Variants in ZFR observed in about 807,000 individuals in gnomAD.
The protein encoded by ZFR is zinc finger RNA-binding protein.
A neutral mutation model predicts 130.7 loss-of-function variants in ZFR; 19 were observed. The ratio of observed to expected loss-of-function variants is 0.15; its 90% CI spans 0.10 to 0.21. The LOEUF (loss-of-function observed/expected upper bound fraction) is 0.21, where lower values mean the gene tolerates loss of function less well. Among genes scored for constraint, ZFR ranks in the 10% least tolerant of loss-of-function variants. The pLI is 1.00. For missense variants in ZFR, 872 were observed against 1,321.5 expected (o/e 0.66, Z 5.27); for synonymous variants, 466 against 456.9 (o/e 1.02, Z -0.25).
chr5:32,395,209 C>A lies in ZFR; in HGVS notation c.1929G>T (p.Glu643Asp), dbSNP rs1442523871. 2 of 1,610,638 alleles carry A rather than the reference C, an allele frequency of 1.2e-6. No individual in the cohort carries two copies. The highest frequency in any genetic ancestry group is 1.7e-6 in the Non-Finnish European group (2 of 1,178,274). The change falls in exon 11 of 20, where the codon GAG becomes GAT. Residue 643 changes from glutamate (E) to aspartate (D), a missense_variant. Physicochemically the swap from Glu to Asp is conservative, Grantham distance 45. Coordinates refer to ENST00000265069, the MANE Select transcript of ZFR (RefSeq NM_016107.5). ...CTTCTTCTCGTCTTCGCCAGTACTCCTCCTTCTGCATTTGCTTCCTCATTT... is the reference window on the plus strand; with the variant it reads ...CTTCTTCTCGTCTTCGCCAGTACTCATCCTTCTGCATTTGCTTCCTCATTT... ...EEKMRKQMQKEEYWRRREEEE... is the reference protein window; with the variant it reads ...EEKMRKQMQKDEYWRRREEEE...
intron 17 of ZFR, among the ~76,000 whole-genome samples, chr5:32,370,019 CAT>C (rs923820880): frequency 2.0e-5 from 3 of 151,418 alleles, no homozygotes; most frequent in African/African-American, 7.3e-5. Flanking sequence ...AATCACACAA[CAT>C]GTGACCTTTT....
Position 32,355,533 on chromosome 5 carries a change from C to T in ZFR, c.*227G>A, listed in dbSNP as rs560912627. ...TAAAATAAAAATAATGGGAAAAAATCGGAACTACTGTTTTCCCCCTAGTCG... is the reference window on the plus strand; with the variant it reads ...TAAAATAAAAATAATGGGAAAAAATTGGAACTACTGTTTTCCCCCTAGTCG... On this transcript the variant is annotated 3_prime_UTR_variant, in exon 20 of 20. Transcript: ENST00000265069. 6 of 332,818 alleles carry T rather than the reference C, an allele frequency of 1.8e-5. No individual in the cohort carries two copies. The highest frequency in any genetic ancestry group is 1.4e-4 in the Admixed American group (3 of 20,748). The allele number at this position is 332,818 out of a possible 1,614,324, so 20.6% of individuals were successfully genotyped here. A position where few individuals can be genotyped will look rare whatever the true frequency, so the allele number is the denominator to read the frequency against.
chr5:32,429,177 G>A (rs1259224323), intron 2 of ZFR, among the ~76,000 whole-genome samples: 1 of 151,840 alleles, frequency 6.6e-6, no homozygotes, highest in African/African-American at 2.4e-5. Flanking sequence ...TAGTAGAGAC[G>A]GGGTTTCACC....
At chr5:32,405,325 T>C (rs1489839427) in intron 6 of ZFR, among the ~76,000 whole-genome samples, 1 of 152,190 alleles carries the variant, frequency 6.6e-6, no homozygotes, top group Non-Finnish European at 1.5e-5. Flanking sequence ...CCCCAAAAGC[T>C]GAATCAACTT....
intron 3 of ZFR, among the ~76,000 whole-genome samples, chr5:32,418,173 T>C (rs947406127): frequency 3.3e-5 from 5 of 150,058 alleles, no homozygotes; most frequent in Non-Finnish European, 3.0e-5. Flanking sequence ...GGCAGGAGAA[T>C]GGCATGAACC....
chr5:32,442,548 T>A (rs907422544), intron 2 of ZFR, among the ~76,000 whole-genome samples: 3 of 152,254 alleles, frequency 2.0e-5, no homozygotes, highest in Non-Finnish European at 4.4e-5. Context: ...GATTTTGCTG[T>A]AATAATTTGT....
intron 2 of ZFR, among the ~76,000 whole-genome samples, chr5:32,443,439 C>A (rs1257576606): frequency 2.6e-5 from 4 of 152,262 alleles, no homozygotes; most frequent in African/African-American, 9.6e-5. Context: ...AAGACCCCCG[C>A]AAGGAGAATG....
At chr5:32,429,678 T>C (rs1415834020) in intron 2 of ZFR, among the ~76,000 whole-genome samples, 3 of 152,214 alleles carry the variant, frequency 2.0e-5, no homozygotes, top group African/African-American at 4.8e-5. Context: ...TTAACCTCTG[T>C]AACTCAAGGC....
chr5:32,420,125 T>G (rs1020774395), intron 2 of ZFR, 22 bp from the exon 3 acceptor site: 19 of 1,487,470 alleles, frequency 1.3e-5, no homozygotes, highest in Non-Finnish European at 9.0e-7. Context: ...AGTACAAGAA[T>G]AAATATAATA....
At chr5:32,384,365 A>G (rs1752992044) in intron 15 of ZFR, among the ~76,000 whole-genome samples, 1 of 152,198 alleles carries the variant, frequency 6.6e-6, no homozygotes, top group South Asian at 2.1e-4. Context: ...TAAGATATAA[A>G]TATCATCTGA....
At chr5:32,401,736 T>C (rs1318264845) in intron 8 of ZFR, among the ~76,000 whole-genome samples, 1 of 152,152 alleles carries the variant, frequency 6.6e-6, no homozygotes, top group East Asian at 1.9e-4. Context: ...ATATGTATTT[T>C]AATGAAATAA....
chr5:32,427,812 T>C (rs868222992), intron 2 of ZFR, among the ~76,000 whole-genome samples: 18 of 152,318 alleles, frequency 1.2e-4, no homozygotes, highest in African/African-American at 3.1e-4. Flanking sequence ...CCCAGATATA[T>C]AGCCTTGCAT....
Position 32,404,022 on chromosome 5 carries a change from T to G in ZFR, c.1108A>C (p.Ser370Arg). The G allele has an allele frequency of 6.2e-7, 1 of 1,614,188 alleles. No homozygotes were observed. Among genetic ancestry groups the G allele is most frequent in the Non-Finnish European group, 8.5e-7 (1 of 1,180,008 alleles). Residue 370 changes from serine to arginine, a missense_variant, in exon 7 of 20, where the codon AGC becomes CGC. Ser to Arg is a moderately radical substitution (Grantham distance 110, BLOSUM62 -1). Transcript: ENST00000265069. Reference sequence around the variant, plus strand: ...GTCCCACGAGTAGAACTGTTGCTGCTGCTGGTATTTTGTGAGGCTTTCAAT... The same window carrying G: ...GTCCCACGAGTAGAACTGTTGCTGCGGCTGGTATTTTGTGAGGCTTTCAAT... ...AALKASQNTS[S>R]SNSSTRGTQN...
intron 17 of ZFR, among the ~76,000 whole-genome samples, chr5:32,370,091 T>A (rs1581681060): frequency 7.6e-6 from 1 of 131,286 alleles, no homozygotes; most frequent in African/African-American, 3.4e-5. Context: ...AGTGGCAGAT[T>A]TTTTTTTTTT....
intron 19 of ZFR, among the ~76,000 whole-genome samples, chr5:32,356,889 A>C (rs1752328835): frequency 6.6e-6 from 1 of 152,224 alleles, no homozygotes; most frequent in Admixed American, 6.5e-5. Flanking sequence ...ACTGATTAAT[A>C]TATCCACTAG....
At chr5:32,417,008 A>G (rs571830649) in intron 4 of ZFR, among the ~76,000 whole-genome samples, 125 of 150,414 alleles carry the variant, frequency 8.3e-4, no homozygotes, top group African/African-American at 2.9e-3. Context: ...AGTGTGCTGC[A>G]CCCATTAACT....
At chr5:32,369,916 C>T (rs900539221) in intron 17 of ZFR, among the ~76,000 whole-genome samples, 4 of 152,000 alleles carry the variant, frequency 2.6e-5, no homozygotes, top group Non-Finnish European at 2.9e-5. Flanking sequence ...CAAAGTAAAC[C>T]CCCTTACCCA....
chr5:32,392,185 C>T (rs748994084), intron 11 of ZFR, among the ~76,000 whole-genome samples: 41 of 152,214 alleles, frequency 2.7e-4, no homozygotes, highest in Non-Finnish European at 5.3e-4. Flanking sequence ...ACTGTTGTTG[C>T]TAACAACGTT....
chr5:32,407,591 T>C (rs1238723708), intron 5 of ZFR, among the ~76,000 whole-genome samples: 1 of 151,984 alleles, frequency 6.6e-6, no homozygotes, highest in East Asian at 1.9e-4. Context: ...CAGATGCTAG[T>C]CTGGGGAGGC....
Sources: gnomAD v4.1 joint callset for allele counts (sites outside exome capture counted in the v4.1 genomes callset) on GRCh38, gnomAD v4.1.1 for gene constraint, MANE v1.5 for transcripts, NCBI Gene and HGNC (gene_info 2026-07-23, HGNC 2026-07-21) for gene names.